The following SLC30A10 variants were observed in gnomAD, a reference collection of about 807,000 sequenced individuals.
SLC30A10 encodes solute carrier family 30 member 10, also known as calcium/manganese antiporter SLC30A10.
A neutral mutation model predicts 21.7 loss-of-function variants in SLC30A10; 8 were observed. The ratio of observed to expected loss-of-function variants is 0.37; its 90% CI spans 0.22 to 0.67. The LOEUF is 0.67. Among genes scored for constraint, SLC30A10 ranks in the 30% least tolerant of loss-of-function variants. The pLI, the probability that SLC30A10 is intolerant of heterozygous loss-of-function variation, is 0.58. For synonymous variants in SLC30A10, 272 were observed against 279.4 expected (o/e 0.97, Z 0.26); for missense variants, 521 against 642.5 (o/e 0.81, Z 2.04).
At chr1:219,954,783 T>C (rs929693991) in intron 1 of SLC30A10, among the ~76,000 whole-genome samples, 6 of 151,306 alleles carry the variant, frequency 4.0e-5, no homozygotes, top group South Asian at 2.1e-4. Context: ...TATAAATGTA[T>C]CATTTGTACA....
intron 1 of SLC30A10, 138 bp downstream of exon 1, chr1:219,927,663 A>AAC (rs1553313714): frequency 2.2e-5 from 8 of 369,704 alleles, no homozygotes; most frequent in Non-Finnish European, 2.7e-5. Flanking sequence ...AAAAAAAAAA[A>AAC]AAAAACAACA....
chr1:219,950,847 C>G (rs1315555749), intron 1 of SLC30A10, among the ~76,000 whole-genome samples: 2 of 152,092 alleles, frequency 1.3e-5, no homozygotes, highest in Non-Finnish European at 2.9e-5. Flanking sequence ...ACTCAGAAGG[C>G]TGAGGCAGGA....
chr1:219,929,495 C>G (rs945289321), upstream of SLC30A10, among the ~76,000 whole-genome samples: 6 of 151,886 alleles, frequency 4.0e-5, no homozygotes, highest in East Asian at 1.2e-3. Flanking sequence ...ATCGACTGAC[C>G]TACATGAAGG....
rs79406479 is a variant in SLC30A10 at position 219,935,574 on chromosome 1, A to G, written n.81-8469T>C. On this transcript the variant is annotated intron_variant and non_coding_transcript_variant, in intron 1 of 8. Coordinates refer to the SLC30A10 transcript ENST00000484239. The stretch of plus-strand genomic sequence containing the variant: ...CAAGTCACTCAACTTCTGAGCCTCT[A>G]TGTTTTCATTTCTAAGCTAGATATA... 7.9e-3 allele frequency among the ~76,000 whole-genome samples: 1,202 copies of G among 152,344 alleles called. 12 individuals are homozygous for G. The highest frequency in any genetic ancestry group is 0.028 in the African/African-American group (1,170 of 41,582).
chr1:219,919,788 A>C (rs1427934770), intron 2 of SLC30A10, among the ~76,000 whole-genome samples: 3 of 152,088 alleles, frequency 2.0e-5, no homozygotes, highest in Non-Finnish European at 4.4e-5. Context: ...AAAAAAAAAA[A>C]AAAAAATGCC....
rs888595982 is a variant in SLC30A10 at position 219,914,003 on chromosome 1, T to C, written c.*1446A>G. On this transcript the variant is annotated 3_prime_UTR_variant, in exon 4 of 4. Transcript: ENST00000366926. ...CTTCAAATTTAGGACTAAGATACATTGTTTAAATATGATGTTTGTTCTGTG... is the reference window on the plus strand; with the variant it reads ...CTTCAAATTTAGGACTAAGATACATCGTTTAAATATGATGTTTGTTCTGTG... 10 of 137,686 alleles carry C rather than the reference T, an allele frequency of 7.3e-5. No individual in the cohort carries two copies. The East Asian group carries it at 2.1e-3, about 29-fold the overall frequency. The allele number at this position is 137,686 out of a possible 1,614,324, so 8.5% of individuals were successfully genotyped here. A position where few individuals can be genotyped will look rare whatever the true frequency, so the allele number is the denominator to read the frequency against.
intron 2 of SLC30A10, among the ~76,000 whole-genome samples, chr1:219,923,192 G>A (rs1232719057): frequency 6.6e-6 from 1 of 152,204 alleles, no homozygotes; most frequent in Non-Finnish European, 1.5e-5. Flanking sequence ...TCACATCTAT[G>A]ATTCAGAAAG....
upstream of SLC30A10, among the ~76,000 whole-genome samples, chr1:219,929,011 C>A (rs1659923057): frequency 6.6e-6 from 1 of 152,234 alleles, no homozygotes; most frequent in African/African-American, 2.4e-5. Context: ...TAATCAGGTG[C>A]AAGGCCCCGG....
intron 1 of SLC30A10, among the ~76,000 whole-genome samples, chr1:219,946,779 A>G (rs180735876): frequency 6.8e-4 from 103 of 152,272 alleles, no homozygotes; most frequent in Non-Finnish European, 1.0e-3. Flanking sequence ...CAGAATTAGT[A>G]TTAGGAAGCC....
chr1:219,927,573 G>A (rs1659859130), intron 1 of SLC30A10, among the ~76,000 whole-genome samples: 1 of 140,872 alleles, frequency 7.1e-6, no homozygotes, highest in South Asian at 2.5e-4. Context: ...AAAAAAGAAG[G>A]GATGGGGAAT....
At chr1:219,929,439 A>G (rs78094962), upstream of SLC30A10, among the ~76,000 whole-genome samples, 2,598 of 151,500 alleles carry the variant, frequency 0.017, 77 homozygotes, top group African/African-American at 0.057. Context: ...AGAATATTCT[A>G]CTCACCCCCA....
In SLC30A10 at chr1:219,912,867, T is replaced by A. The variant is rs539587006; in HGVS notation, c.*2582A>T. On this transcript the variant is annotated 3_prime_UTR_variant, in exon 4 of 4. Transcript: ENST00000366926. ...AAACAAACAAACCAAAAAAAAATTATGTCAGTTCTTTAAAAAAAGGCGGGG... is the reference window on the plus strand; with the variant it reads ...AAACAAACAAACCAAAAAAAAATTAAGTCAGTTCTTTAAAAAAAGGCGGGG... 1.7e-4 allele frequency among the ~76,000 whole-genome samples: 26 copies of A among 151,370 alleles called. No individual in the cohort carries two copies. Among genetic ancestry groups the A allele is most frequent in the Non-Finnish European group, 2.8e-4 (19 of 67,826 alleles).
intron 1 of SLC30A10, among the ~76,000 whole-genome samples, chr1:219,944,686 T>C (rs1488355806): frequency 1.3e-5 from 2 of 152,208 alleles, no homozygotes; most frequent in Admixed American, 6.5e-5. Context: ...TGATAAGTTA[T>C]GTATGTGCAA....
intron 2 of SLC30A10, among the ~76,000 whole-genome samples, chr1:219,919,979 G>A (rs1021104999): frequency 1.3e-5 from 2 of 152,078 alleles, no homozygotes; most frequent in Non-Finnish European, 1.5e-5. Context: ...TTTGGAAGGT[G>A]CTTTAATTGA....
chr1:219,925,189 CTTT>C (rs1206596488), intron 2 of SLC30A10, among the ~76,000 whole-genome samples: 3 of 152,192 alleles, frequency 2.0e-5, no homozygotes, highest in African/African-American at 7.2e-5. Flanking sequence ...TCTTCTTCTT[CTTT>C]GCATCAATCC....
intron 1 of SLC30A10, among the ~76,000 whole-genome samples, chr1:219,939,520 C>A (rs374077893): frequency 1.3e-5 from 2 of 152,140 alleles, no homozygotes; most frequent in Non-Finnish European, 2.9e-5. Context: ...CCTCCACCCC[C>A]CCAGGTTCAA....
rs757772672 is a variant in SLC30A10 at position 219,928,111 on chromosome 1, G to C, written c.330C>G (p.Ile110Met). 48 of 1,573,368 alleles carry C rather than the reference G, an allele frequency of 3.1e-5. No homozygotes were observed. Among genetic ancestry groups the C allele is most frequent in the Admixed American group, 3.7e-5 (2 of 54,632 alleles). The change falls in exon 1 of 4, where the codon ATC becomes ATG. Residue 110 changes from isoleucine (I) to methionine (M), a missense_variant. Ile to Met is a conservative substitution (Grantham distance 10). Coordinates refer to ENST00000366926, the MANE Select transcript of SLC30A10 (RefSeq NM_018713.3). The surrounding 1 kb of genome is among the most constrained non-coding windows in gnomAD (Gnocchi z 6.3). ...AVLRLARPER[I>M]DDPELVLIVG... ...CGATGAGCACCAGCTCGGGGTCATC[G>C]ATGCGCTCGGGCCGGGCCAGGCGCA...
Position 219,911,169 on chromosome 1 carries a change from T to TTTTTTTTTTC in SLC30A10, c.*4279_*4280insGAAAAAAAAA. ...CATCAGTTTTTTTTTTTTTTTTTTT[T>TTTTTTTTTTC]TTTTTGCAGTCTTTTACTACAGGAA... On this transcript the variant is annotated 3_prime_UTR_variant, in exon 4 of 4. Transcript: ENST00000366926. 7.5e-6 allele frequency among the ~76,000 whole-genome samples: 1 copy of TTTTTTTTTTC among 132,612 alleles called. No individual in the cohort carries two copies. The highest frequency in any genetic ancestry group is 1.6e-5 in the Non-Finnish European group (1 of 63,540). 87.0% of individuals were successfully genotyped at this position (132,612 alleles called of 152,430 possible). A position where few individuals can be genotyped will look rare whatever the true frequency, so the allele number is the denominator to read the frequency against.
Position 219,927,088 on chromosome 1 carries a change from G to A in SLC30A10, c.658C>T (p.Gln220Ter). The A allele has an allele frequency of 6.2e-7, 1 of 1,613,848 alleles. No homozygotes were observed. The highest frequency in any genetic ancestry group is 8.5e-7 in the Non-Finnish European group (1 of 1,179,950). ...ANVAGDSFNT[Q>*]NEPEDMMKKE... The stretch of plus-strand genomic sequence containing the variant: ...TTCATCATGTCTTCTGGCTCATTCT[G>A]GGTGTTGAAGGAATCACCTGCATTC... The change falls in exon 2 of 4, where the codon CAG (glutamine) becomes TAG (stop). Residue 220 changes from glutamine (Q) to a stop codon, truncating the protein, a stop_gained. Coordinates refer to ENST00000366926, the MANE Select transcript of SLC30A10 (RefSeq NM_018713.3). LOFTEE classifies it high-confidence loss of function.
Sources: allele counts gnomAD v4.1 joint callset (sites outside exome capture counted in the v4.1 genomes callset), GRCh38; gene constraint gnomAD v4.1.1; non-coding constraint Gnocchi (gnomAD v3.1); transcripts MANE v1.5; gene names NCBI Gene and HGNC (gene_info 2026-07-23, HGNC 2026-07-21).